FSTL5: variants seen among roughly 807,000 people sequenced by gnomAD.
FSTL5 encodes the protein follistatin like 5.
Under a neutral mutation model 89.1 loss-of-function variants are expected in FSTL5, and 62 were observed. The observed-to-expected ratio is 0.70, with a 90% CI of 0.57 to 0.86. The LOEUF is 0.86. Among genes scored for constraint, FSTL5 ranks in the 40% least tolerant of loss-of-function variants. FSTL5 has a pLI of 0.00. For missense variants in FSTL5, 1,057 were observed against 1,001.6 expected (o/e 1.06, Z -0.75); for synonymous variants, 383 against 346.2 (o/e 1.11, Z -1.18).
At chr4:161,967,372 C>CA (rs1200512946) in intron 3 of FSTL5, among the ~76,000 whole-genome samples, 1 of 145,558 alleles carries the variant, frequency 6.9e-6, no homozygotes, top group African/African-American at 2.5e-5. Flanking sequence ...TTTTACTCAA[C>CA]AAAAAACAGA....
intron 10 of FSTL5, among the ~76,000 whole-genome samples, chr4:161,523,459 A>C (rs374580525): frequency 1.3e-5 from 2 of 152,352 alleles, no homozygotes; most frequent in East Asian, 3.9e-4. Context: ...ATAATTTAAT[A>C]GGCCTAAGAG....
chr4:162,083,010 C>T (rs1296701497), intron 2 of FSTL5, among the ~76,000 whole-genome samples: 1 of 151,546 alleles, frequency 6.6e-6, no homozygotes, highest in African/African-American at 2.4e-5. Context: ...ATTTTATAAG[C>T]TTGCTAAATG....
chr4:161,969,976 G>A (rs536183542), intron 3 of FSTL5, among the ~76,000 whole-genome samples: 5 of 152,078 alleles, frequency 3.3e-5, no homozygotes, highest in African/African-American at 4.8e-5. Context: ...AAGGGTATGA[G>A]CTAAAGAGGT....
chr4:162,099,857 G>A (rs921939106), intron 2 of FSTL5, among the ~76,000 whole-genome samples: 5 of 152,120 alleles, frequency 3.3e-5, no homozygotes, highest in African/African-American at 1.2e-4. Context: ...TTAGGGAATT[G>A]CAAATTAAAA....
chr4:161,976,727 C>T (rs1048478134), intron 3 of FSTL5, among the ~76,000 whole-genome samples: 2 of 152,096 alleles, frequency 1.3e-5, no homozygotes, highest in South Asian at 4.1e-4. Context: ...GTGATCCACC[C>T]GCCTCAGCCT....
intron 6 of FSTL5, among the ~76,000 whole-genome samples, chr4:161,746,021 C>T (rs1031320680): frequency 1.3e-5 from 2 of 151,996 alleles, no homozygotes; most frequent in African/African-American, 4.8e-5. Context: ...CCTTGAGTAG[C>T]TCAGAAAGTT....
chr4:161,842,551 AAT>A (rs1377700738), intron 4 of FSTL5, among the ~76,000 whole-genome samples: 1 of 152,062 alleles, frequency 6.6e-6, no homozygotes, highest in African/African-American at 2.4e-5. Flanking sequence ...GCCCCTAATT[AAT>A]GTCACTAAAT....
At chr4:161,802,762 G>T (rs1454649810) in intron 4 of FSTL5, among the ~76,000 whole-genome samples, 1 of 151,586 alleles carries the variant, frequency 6.6e-6, no homozygotes, top group East Asian at 1.9e-4. Flanking sequence ...TAACAAGATT[G>T]AAAAAAATTA....
intron 3 of FSTL5, among the ~76,000 whole-genome samples, chr4:161,971,289 A>G (rs1167228332): frequency 6.6e-6 from 1 of 152,164 alleles, no homozygotes; most frequent in East Asian, 1.9e-4. Flanking sequence ...TGTCACAAAC[A>G]TTGATATATT....
intron 3 of FSTL5, among the ~76,000 whole-genome samples, chr4:162,030,187 T>C (rs935790964): frequency 1.3e-5 from 2 of 152,136 alleles, no homozygotes; most frequent in African/African-American, 4.8e-5. Flanking sequence ...CCCAAAGTGC[T>C]GAGATTACAA....
chr4:161,645,914 A>T (rs1402820763), intron 7 of FSTL5, among the ~76,000 whole-genome samples: 2 of 151,864 alleles, frequency 1.3e-5, no homozygotes, highest in Admixed American at 1.3e-4. Context: ...CTACGTTTTT[A>T]GTTGAAGTGG....
In FSTL5 at chr4:161,888,454, C is replaced by T. The variant is rs531115818; in HGVS notation, c.409+31950G>A. ...AAGAAATAGCATTTTAGATGTGTTA[C>T]ATCACGACTGAGTTAGGAATTGTTT... On this transcript the variant is annotated intron_variant, in intron 4 of 15. Coordinates refer to ENST00000306100, the MANE Select transcript of FSTL5 (RefSeq NM_020116.5). 9.2e-5 allele frequency among the ~76,000 whole-genome samples: 14 copies of T among 152,254 alleles called. No homozygotes were observed. The South Asian group carries it at 2.7e-3, about 29-fold the overall frequency.
At chr4:161,734,687 C>CA (rs1380795385) in intron 6 of FSTL5, among the ~76,000 whole-genome samples, 5 of 152,052 alleles carry the variant, frequency 3.3e-5, no homozygotes, top group Admixed American at 2.0e-4. Context: ...AAAAACAAAA[C>CA]AAAAAAACTT....
At chr4:162,094,931 CTT>C (rs1389893383) in intron 2 of FSTL5, among the ~76,000 whole-genome samples, 4 of 152,054 alleles carry the variant, frequency 2.6e-5, no homozygotes, top group Non-Finnish European at 4.4e-5. Context: ...TCAATTAAAA[CTT>C]AAAAATTGGT....
intron 7 of FSTL5, among the ~76,000 whole-genome samples, chr4:161,640,705 G>T (rs1038214543): frequency 1.3e-5 from 2 of 152,120 alleles, no homozygotes; most frequent in Non-Finnish European, 2.9e-5. Flanking sequence ...CATGCATTGT[G>T]GGATCTCCAG....
intron 13 of FSTL5, among the ~76,000 whole-genome samples, chr4:161,474,579 T>C (rs1428835007): frequency 6.7e-6 from 1 of 149,388 alleles, no homozygotes; most frequent in Non-Finnish European, 1.5e-5. Flanking sequence ...GGAGTCTCGC[T>C]CTCTCGCTCA....
At chr4:161,895,907 T>A (rs1733143592) in intron 4 of FSTL5, among the ~76,000 whole-genome samples, 1 of 152,042 alleles carries the variant, frequency 6.6e-6, no homozygotes, top group South Asian at 2.1e-4. Context: ...GACAAAAATA[T>A]AGGGGGGCAT....
intron 13 of FSTL5, among the ~76,000 whole-genome samples, chr4:161,476,299 T>C (rs1028041604): frequency 4.6e-5 from 7 of 150,968 alleles, no homozygotes; most frequent in African/African-American, 1.7e-4. Flanking sequence ...GCGATTCTCC[T>C]GCCTCAGCCT....
In FSTL5 at chr4:161,530,339, A is replaced by G. The variant is rs184266895; in HGVS notation, c.1312+7827T>C. Among the ~76,000 whole-genome samples the G allele has an allele frequency of 6.4e-4, 91 of 142,158 alleles. 7 individuals carry two copies. The highest frequency in any genetic ancestry group is 2.2e-3 in the African/African-American group (87 of 39,988). The allele number at this position is 142,158 out of a possible 152,430, so 93.3% of individuals were successfully genotyped here. A position where few individuals can be genotyped will look rare whatever the true frequency, so the allele number is the denominator to read the frequency against. On this transcript the variant is annotated intron_variant, in intron 10 of 15. Coordinates refer to ENST00000306100, the MANE Select transcript of FSTL5 (RefSeq NM_020116.5). ...TTTTACAATATTGCTAAATCTTAGT[A>G]TTAGCAATTATGCTTATTTCATTTT... is the stretch of plus-strand genomic sequence containing the variant.
Sources: gnomAD v4.1 joint callset for allele counts (sites outside exome capture counted in the v4.1 genomes callset) on GRCh38, gnomAD v4.1.1 for gene constraint, MANE v1.5 for transcripts, NCBI Gene and HGNC (gene_info 2026-07-23, HGNC 2026-07-21) for gene names.